The following XYLT1 variants were observed in gnomAD, a reference collection of about 807,000 sequenced individuals.
The protein encoded by XYLT1 is xylosyltransferase 1, also known as beta-D-xylosyltransferase 1.
A neutral mutation model predicts 91.3 loss-of-function variants in XYLT1; 36 were observed. The observed-to-expected ratio is 0.39, with a 90% CI of 0.30 to 0.52. The LOEUF (loss-of-function observed/expected upper bound fraction) is 0.52. Ranked by LOEUF, XYLT1 falls within the 20% of genes least tolerant of loss-of-function variation. The pLI is 0.68. For synonymous variants in XYLT1, 588 were observed against 532.0 expected (o/e 1.11, Z -1.45); for missense variants, 1,242 against 1,284.5 (o/e 0.97, Z 0.51).
chr16:17,259,927 A>G (rs1055916126), intron 2 of XYLT1, among the ~76,000 whole-genome samples: 1 of 152,166 alleles, frequency 6.6e-6, no homozygotes, highest in Non-Finnish European at 1.5e-5. Flanking sequence ...TATTGGTAGG[A>G]TATTACATAC....
chr16:17,196,390 T>C (rs2032426596), intron 5 of XYLT1, among the ~76,000 whole-genome samples: 1 of 152,222 alleles, frequency 6.6e-6, no homozygotes, highest in Middle Eastern at 3.2e-3. Context: ...AAAAAAGAGA[T>C]CTTATCTTTT....
At chr16:17,162,216 C>CG (rs2031572095) in intron 5 of XYLT1, among the ~76,000 whole-genome samples, 2 of 151,878 alleles carry the variant, frequency 1.3e-5, no homozygotes, top group South Asian at 4.2e-4. Context: ...GAGACCAGCC[C>CG]GGCCAACATG....
At chr16:17,243,636 A>T (rs969672484) in intron 3 of XYLT1, among the ~76,000 whole-genome samples, 2 of 152,168 alleles carry the variant, frequency 1.3e-5, no homozygotes, top group African/African-American at 4.8e-5. Flanking sequence ...CTAAAATTCA[A>T]ACCCAAGCCG....
chr16:17,119,649 C>T (rs1043432254), intron 10 of XYLT1, among the ~76,000 whole-genome samples: 1 of 152,162 alleles, frequency 6.6e-6, no homozygotes, highest in African/African-American at 2.4e-5. Flanking sequence ...GCAGACGTGT[C>T]CATTCAGTTG....
At chr16:17,424,224 G>T (rs1240486664) in intron 1 of XYLT1, among the ~76,000 whole-genome samples, 8 of 152,226 alleles carry the variant, frequency 5.3e-5, no homozygotes, top group African/African-American at 1.7e-4. Flanking sequence ...TTAGCTGTGT[G>T]ATGTTAAGTG....
intron 3 of XYLT1, among the ~76,000 whole-genome samples, chr16:17,248,804 A>G (rs987046088): frequency 2.0e-5 from 3 of 148,892 alleles, no homozygotes; most frequent in Non-Finnish European, 3.0e-5. Context: ...CTGGAGTGCA[A>G]TGGTGCAATC....
At chr16:17,206,547 G>A (rs987447191) in intron 3 of XYLT1, among the ~76,000 whole-genome samples, 5 of 152,068 alleles carry the variant, frequency 3.3e-5, no homozygotes, top group Non-Finnish European at 7.4e-5. Context: ...GACTAGTAAC[G>A]CTATCAGATG....
rs79744249 is a variant in XYLT1, at chr16:17,234,144, C to T, written c.913+24844G>A. On this transcript the variant is annotated intron_variant, in intron 3 of 11. Coordinates refer to ENST00000261381, the MANE Select transcript of XYLT1 (RefSeq NM_022166.4). Reference sequence around the variant, plus strand: ...AGTGAGGCGGGTACTGCTGCCACGCCCATTTTGCAGAGGAAAAACCTTAGA... The same window carrying T: ...AGTGAGGCGGGTACTGCTGCCACGCTCATTTTGCAGAGGAAAAACCTTAGA... Among the ~76,000 whole-genome samples the T allele has an allele frequency of 5.3e-3, 807 of 152,198 alleles. 4 individuals carry two copies. Among genetic ancestry groups the T allele is most frequent in the Non-Finnish European group, 8.7e-3 (589 of 67,988 alleles).
chr16:17,369,868 A>C (rs577382675), intron 1 of XYLT1: 1 of 152,282 alleles, frequency 6.6e-6, no homozygotes, highest in East Asian at 1.9e-4. Flanking sequence ...TTTTTCTCCT[A>C]GCTCTCTCGG....
At chr16:17,325,628 C>T (rs960164560) in intron 2 of XYLT1, among the ~76,000 whole-genome samples, 11 of 152,020 alleles carry the variant, frequency 7.2e-5, no homozygotes, top group Admixed American at 3.3e-4. Context: ...GCTGGCATGG[C>T]GATTTTATTT....
At chr16:17,427,997 T>C (rs574221696) in intron 1 of XYLT1, among the ~76,000 whole-genome samples, 3 of 152,200 alleles carry the variant, frequency 2.0e-5, no homozygotes, top group African/African-American at 7.2e-5. Flanking sequence ...CCTTTTTATT[T>C]TTTATTTTTT....
chr16:17,337,768 A>AATTTTTCTTTTTTTTTTTTTTTT (rs1272127217), intron 2 of XYLT1, among the ~76,000 whole-genome samples: 1 of 102,552 alleles, frequency 9.8e-6, no homozygotes. Context: ...TCTGTTCCAC[A>AATTTTTCTTTTTTTTTTTTTTTT]TTTTTTCTTT....
chr16:17,348,595 C>T (rs987284333), intron 2 of XYLT1, among the ~76,000 whole-genome samples: 1 of 152,138 alleles, frequency 6.6e-6, no homozygotes, highest in African/African-American at 2.4e-5. Context: ...GAAACGAGGT[C>T]ACGCATATAA....
chr16:17,142,870 A>C (rs115339652), intron 6 of XYLT1, among the ~76,000 whole-genome samples: 7 of 152,340 alleles, frequency 4.6e-5, no homozygotes, highest in African/African-American at 1.7e-4. Flanking sequence ...TGCTAATACT[A>C]CTGTGATTTG....
chr16:17,134,947 T>C (rs113829792), intron 8 of XYLT1, among the ~76,000 whole-genome samples: 8 of 68,838 alleles, frequency 1.2e-4, no homozygotes, highest in Non-Finnish European at 3.8e-4. Context: ...TCTAAAGCAA[T>C]GATAGGCACT....
At chr16:17,200,793 A>C in intron 3 of XYLT1, 139 bp from the exon 4 acceptor site, 1 of 910,446 alleles carries the variant, frequency 1.1e-6, no homozygotes, top group East Asian at 2.6e-5. Flanking sequence ...ACATAATTCA[A>C]TGCCACAAAG....
intron 9 of XYLT1, among the ~76,000 whole-genome samples, chr16:17,133,138 G>T (rs148899454): frequency 2.0e-5 from 3 of 152,086 alleles, no homozygotes; most frequent in East Asian, 3.9e-4. Flanking sequence ...GAAACTTTAC[G>T]GAGAGAGAAG....
chr16:17,126,700 C>T (rs948359793), intron 10 of XYLT1, among the ~76,000 whole-genome samples: 9 of 152,328 alleles, frequency 5.9e-5, no homozygotes, highest in East Asian at 3.9e-4. Flanking sequence ...TGACAAATCA[C>T]GTCCTTAGCA....
intron 1 of XYLT1, among the ~76,000 whole-genome samples, chr16:17,424,541 G>A (rs1353326303): frequency 6.6e-6 from 1 of 152,158 alleles, no homozygotes; most frequent in East Asian, 1.9e-4. Context: ...ACCGGGGAGT[G>A]TTATGTGGAT....
Sources: gnomAD v4.1 joint callset for allele counts (sites outside exome capture counted in the v4.1 genomes callset) on GRCh38, gnomAD v4.1.1 for gene constraint, MANE v1.5 for transcripts, NCBI Gene and HGNC (gene_info 2026-07-23, HGNC 2026-07-21) for gene names.